TLR4: variants seen among roughly 807,000 people sequenced by gnomAD.
TLR4 encodes toll-like receptor 4.
In TLR4, 17 loss-of-function variants were observed where a neutral mutation model predicts 27.4. That is an observed-to-expected ratio of 0.62 (90% CI 0.42 to 0.93). TLR4 has a LOEUF of 0.93. Among genes scored for constraint, TLR4 ranks in the 40% least tolerant of loss-of-function variants. The probability of loss-of-function intolerance (pLI) is 0.00; values close to 1 mark genes in which losing one functional copy is unlikely to be tolerated. For synonymous variants in TLR4, 363 were observed against 365.7 expected, an observed-to-expected ratio of 0.99 and a Z score of 0.08; for missense variants, 926 against 962.3, an observed-to-expected ratio of 0.96 and a Z score of 0.50.
chr9:117,705,946 T>A (rs1829128960), intron 1 of TLR4, among the ~76,000 whole-genome samples: 1 of 151,984 alleles, frequency 6.6e-6, no homozygotes, highest in Non-Finnish European at 1.5e-5. Flanking sequence ...ACTTTTAAAG[T>A]TTTTAGTAGC....
chr9:117,714,313 A>C lies in TLR4; in HGVS notation c.2185A>C (p.Lys729Gln). Residue 729 changes from lysine (K) to glutamine (Q), a missense_variant, in exon 3 of 3, where the codon AAA becomes CAA. Transcript: ENST00000355622. ...CAACATCATCCATGAAGGTTTCCAT[A>C]AAAGCCGAAAGGTGATTGTTGTGGT... is the stretch of plus-strand genomic sequence containing the variant. ...AANIIHEGFHKSRKVIVVVSQ... is the reference protein window; with the variant it reads ...AANIIHEGFHQSRKVIVVVSQ... 6.3e-7 allele frequency: 1 copy of C among 1,594,166 alleles called. No homozygotes were observed. The highest frequency in any genetic ancestry group is 1.3e-5 in the African/African-American group (1 of 74,558).
rs759683861 is a variant in TLR4, at chr9:117,712,777, T to C, written c.649T>C (p.Phe217Leu). 13 of 1,614,068 alleles carry C rather than the reference T, an allele frequency of 8.1e-6. No homozygotes were observed. Among genetic ancestry groups the C allele is most frequent in the Non-Finnish European group, 8.5e-6 (10 of 1,180,014 alleles). Reference protein sequence around the residue: ...SLDLSLNPMNFIQPGAFKEIR... With the variant: ...SLDLSLNPMNLIQPGAFKEIR... ...AGACCTGTCCCTGAACCCTATGAAC[T>C]TTATCCAACCAGGTGCATTTAAAGA... The change falls in exon 3 of 3, where the codon TTT (phenylalanine) becomes CTT (leucine). Residue 217 changes from phenylalanine (F) to leucine (L), a missense_variant. Physicochemically the swap from Phe to Leu is conservative, Grantham distance 22. Coordinates refer to ENST00000355622, the MANE Select transcript of TLR4 (RefSeq NM_138554.5).
At position 117,705,474 on chromosome 9, in the gene TLR4, T is replaced by C. The variant is rs1272031516; in HGVS notation, c.93+909T>C. On this transcript the variant is annotated intron_variant, in intron 1 of 2. Transcript: ENST00000355622. The stretch of plus-strand genomic sequence containing the variant: ...ATTCCCTGCCCATAGTCCTCCTCCT[T>C]GTCCTCTTCTCTGTATCCCTCTGCT... Among the ~76,000 whole-genome samples the C allele has an allele frequency of 3.3e-5, 5 of 152,162 alleles. No individual in the cohort carries two copies. In the South Asian group the frequency reaches 6.2e-4, roughly 19 times the overall value.
At position 117,708,682 on chromosome 9, in the gene TLR4, C is replaced by T. The variant is rs767928373; in HGVS notation, c.213C>T (p.Ser71=). ...LSFNPLRHLG[S]YSFFSFPELQ... is the part of the protein sequence containing the mutation. ...TTAATCCCCTGAGGCATTTAGGCAG[C>T]TATAGCTTCTTCAGTTTCCCAGAAC... Residue 71 remains serine, a synonymous_variant, in exon 2 of 3, where the codon AGC becomes AGT. Transcript: ENST00000355622. 6.2e-7 allele frequency: 1 copy of T among 1,613,922 alleles called. No homozygotes were observed. The highest frequency in any genetic ancestry group is 8.5e-7 in the Non-Finnish European group (1 of 1,179,858).
At chr9:117,705,765 T>C (rs924422311) in intron 1 of TLR4, among the ~76,000 whole-genome samples, 5 of 152,182 alleles carry the variant, frequency 3.3e-5, no homozygotes, top group Non-Finnish European at 7.3e-5. Flanking sequence ...TTGTTGTTAT[T>C]ATTTTTCCTT....
intron 2 of TLR4, 122 bp downstream of exon 2, chr9:117,708,851 C>A: frequency 7.9e-7 from 1 of 1,264,112 alleles, no homozygotes; most frequent in Non-Finnish European, 1.1e-6. Context: ...ATTCATACAA[C>A]AGATGTCTTA....
rs199760071 is a variant in TLR4, at chr9:117,708,637, C to G, written c.168C>G (p.Thr56=). The G allele has an allele frequency of 9.1e-5, 147 of 1,613,862 alleles. No individual in the cohort carries two copies. Among genetic ancestry groups the G allele is most frequent in the Non-Finnish European group, 2.2e-5 (26 of 1,179,894 alleles). Residue 56 remains threonine (T), a synonymous_variant, in exon 2 of 3, where the codon ACC becomes ACG. Coordinates refer to ENST00000355622, the MANE Select transcript of TLR4 (RefSeq NM_138554.5). ...TCCCCGACAACCTCCCCTTCTCAAC[C>G]AAGAACCTGGACCTGAGCTTTAATC... ...YKIPDNLPFS[T]KNLDLSFNPL...
In TLR4 at chr9:117,712,708, G is replaced by A. The variant is rs902036821; in HGVS notation, c.580G>A (p.Asp194Asn). The change falls in exon 3 of 3, where the codon GAC becomes AAC. Residue 194 changes from aspartate (D) to asparagine (N), a missense_variant. Transcript: ENST00000355622. ...CAAGATTCAAAGTATTTATTGCACAGACTTGCGGGTTCTACATCAAATGCC... is the reference window on the plus strand; with the variant it reads ...CAAGATTCAAAGTATTTATTGCACAAACTTGCGGGTTCTACATCAAATGCC... ...SNKIQSIYCTDLRVLHQMPLL... is the reference protein window; with the variant it reads ...SNKIQSIYCTNLRVLHQMPLL... 1 of 1,613,958 alleles carries A rather than the reference G, an allele frequency of 6.2e-7. No homozygotes were observed. The highest frequency in any genetic ancestry group is 1.7e-5 in the Admixed American group (1 of 59,982).
In TLR4 at chr9:117,723,601, T is replaced by C. The variant is rs1829446293; in HGVS notation, c.*8953T>C. The C allele has an allele frequency of 6.6e-6, 1 of 152,178 alleles. No individual in the cohort carries two copies. The highest frequency in any genetic ancestry group is 2.4e-5 in the African/African-American group (1 of 41,454). The allele number at this position is 152,178 out of a possible 1,614,324, so 9.4% of individuals were successfully genotyped here. A position where few individuals can be genotyped will look rare whatever the true frequency, so the allele number is the denominator to read the frequency against. On this transcript the variant is annotated 3_prime_UTR_variant, in exon 3 of 3. Coordinates refer to ENST00000355622, the MANE Select transcript of TLR4 (RefSeq NM_138554.5). Reference sequence around the variant, plus strand: ...TGCAAGGAGTTATTATGATAACAGATTGAAAACTCCTCCAAGGAGGAGTTT... The same window carrying C: ...TGCAAGGAGTTATTATGATAACAGACTGAAAACTCCTCCAAGGAGGAGTTT...
At position 117,713,890 on chromosome 9, in the gene TLR4, C is replaced by G. The variant is rs1417919272; in HGVS notation, c.1762C>G (p.Gln588Glu). Residue 588 changes from glutamine (Q) to glutamate (E), a missense_variant, in exon 3 of 3, where the codon CAG becomes GAG. By Grantham distance (29) the Gln-to-Glu change is conservative. Coordinates refer to ENST00000355622, the MANE Select transcript of TLR4 (RefSeq NM_138554.5). ...TGACTTTGCTTGTACTTGTGAACAC[C>G]AGAGTTTCCTGCAATGGATCAAGGA... ...QNDFACTCEH[Q>E]SFLQWIKDQR... 6.2e-7 allele frequency: 1 copy of G among 1,613,986 alleles called. No individual in the cohort carries two copies. The highest frequency in any genetic ancestry group is 8.5e-7 in the Non-Finnish European group (1 of 1,180,000).
Position 117,713,801 on chromosome 9 carries a change from CT to C in TLR4, c.1675del (p.Ser559ProfsTer13). The C allele has an allele frequency of 6.2e-7, 1 of 1,613,964 alleles. No homozygotes were observed. The highest frequency in any genetic ancestry group is 8.5e-7 in the Non-Finnish European group (1 of 1,179,996). ...VLDYSLNHIM[T>X]SKKQELQHFP... ...GATTACAGTCTCAATCACATAATGA[CT>C]TCCAAAAAACAGGAACTACAGCATT... On this transcript the variant is annotated frameshift_variant, in exon 3 of 3. Transcript: ENST00000355622. LOFTEE classifies it high-confidence loss of function.
chr9:117,723,937 G>A lies in TLR4; in HGVS notation c.*9289G>A, dbSNP rs1283915056. On this transcript the variant is annotated 3_prime_UTR_variant, in exon 3 of 3. Transcript: ENST00000355622. ...ACCCCTTGTGCCTCTTACCATATGTGAATGCTTGTCAGTTGAGAGTAAACT... is the reference window on the plus strand; with the variant it reads ...ACCCCTTGTGCCTCTTACCATATGTAAATGCTTGTCAGTTGAGAGTAAACT... 6.6e-6 allele frequency: 1 copy of A among 152,148 alleles called. No homozygotes were observed. The highest frequency in any genetic ancestry group is 2.4e-5 in the African/African-American group (1 of 41,426). The allele number at this position is 152,148 out of a possible 1,614,324, so 9.4% of individuals were successfully genotyped here.
Position 117,718,949 on chromosome 9 carries a change from T to TA in TLR4, c.*4304dup, listed in dbSNP as rs1347565646. ...GACCCCAGTCTTCTTCTGGACTCTA[T>TA]AAACTTTTTAGAAATCATCAGCAGG... On this transcript the variant is annotated 3_prime_UTR_variant, in exon 3 of 3. Coordinates refer to ENST00000355622, the MANE Select transcript of TLR4 (RefSeq NM_138554.5). 2 of 152,178 alleles carry TA rather than the reference T, an allele frequency of 1.3e-5. No individual in the cohort carries two copies. Among genetic ancestry groups the TA allele is most frequent in the Non-Finnish European group, 1.5e-5 (1 of 68,028 alleles). 9.4% of individuals were successfully genotyped at this position (152,178 alleles called of 1,614,324 possible). A position where few individuals can be genotyped will look rare whatever the true frequency, so the allele number is the denominator to read the frequency against.
Position 117,714,887 on chromosome 9 carries a change from C to A in TLR4, c.*239C>A. ...ATTTCAACCAACTCAGTCAAGGAAC[C>A]CATGACAAAGAAAGTCATTTCAACT... On this transcript the variant is annotated 3_prime_UTR_variant, in exon 3 of 3. Transcript: ENST00000355622. 1.8e-6 allele frequency: 1 copy of A among 556,270 alleles called. No individual in the cohort carries two copies. The allele number at this position is 556,270 out of a possible 1,614,324, so 34.5% of individuals were successfully genotyped here.
rs201589590 is a variant in TLR4, at chr9:117,714,415, C to T, written c.2287C>T (p.Arg763Cys). 12 of 1,613,264 alleles carry T rather than the reference C, an allele frequency of 7.4e-6. No homozygotes were observed. The highest frequency in any genetic ancestry group is 5.3e-5 in the African/African-American group (4 of 74,910). Reference protein sequence around the residue: ...IAQTWQFLSSRAGIIFIVLQK... With the variant: ...IAQTWQFLSSCAGIIFIVLQK... ...TCAGACCTGGCAGTTTCTGAGCAGT[C>T]GTGCTGGTATCATCTTCATTGTCCT... The change falls in exon 3 of 3, where the codon CGT becomes TGT. Residue 763 changes from arginine to cysteine, a missense_variant. Coordinates refer to ENST00000355622, the MANE Select transcript of TLR4 (RefSeq NM_138554.5).
intron 1 of TLR4, chr9:117,708,123 C>T: frequency 1.1e-6 from 1 of 921,602 alleles, no homozygotes; most frequent in Non-Finnish European, 1.3e-6. Context: ...ATTTTATTAC[C>T]TACATTTTAC....
chr9:117,712,685 A>ATT lies in TLR4; in HGVS notation c.557_558insTT (p.Lys186AsnfsTer2). The ATT allele has an allele frequency of 6.2e-7, 1 of 1,614,114 alleles. No individual in the cohort carries two copies. The highest frequency in any genetic ancestry group is 2.2e-5 in the East Asian group (1 of 44,866). On this transcript the variant is annotated frameshift_variant, in exon 3 of 3. Transcript: ENST00000355622. LOFTEE classifies it low-confidence loss of function (END_TRUNC). Reference sequence around the variant, plus strand: ...GAGCACTTGGACCTTTCCAGCAACAAGATTCAAAGTATTTATTGCACAGAC... The same window carrying ATT: ...GAGCACTTGGACCTTTCCAGCAACAATTGATTCAAAGTATTTATTGCACAGAC...
intron 1 of TLR4, chr9:117,708,215 C>G: frequency 9.3e-7 from 1 of 1,080,610 alleles, no homozygotes; most frequent in African/African-American, 1.6e-5. Context: ...CCCTAAACCA[C>G]ACAGAAGAGC....
rs780394178 is a variant in TLR4 at position 117,719,299 on chromosome 9, TGAG to T, written c.*4655_*4657del. The T allele has an allele frequency of 1.1e-4, 17 of 152,328 alleles. No individual in the cohort carries two copies. The highest frequency in any genetic ancestry group is 5.8e-4 in the East Asian group (3 of 5,182). The allele number at this position is 152,328 out of a possible 1,614,324, so 9.4% of individuals were successfully genotyped here. On this transcript the variant is annotated 3_prime_UTR_variant, in exon 3 of 3. Transcript: ENST00000355622. ...TACGAAAGTATTTCCAATTTACAAA[TGAG>T]GAGTCTGAGTCTGGGAGTCATTCTG...
Sources: gnomAD v4.1 joint callset for allele counts (sites outside exome capture counted in the v4.1 genomes callset) on GRCh38, gnomAD v4.1.1 for gene constraint, MANE v1.5 for transcripts, NCBI Gene and HGNC (gene_info 2026-07-23, HGNC 2026-07-21) for gene names.